The following FBXO4 variants were observed in gnomAD, a reference collection of about 807,000 sequenced individuals.
FBXO4 encodes F-box only protein 4.
In FBXO4, 36 loss-of-function variants were observed where a neutral mutation model predicts 43.7. The observed-to-expected ratio is 0.82, with a 90% CI of 0.63 to 1.09. FBXO4 has a LOEUF of 1.09. Among genes scored for constraint, FBXO4 ranks in the 50% least tolerant of loss-of-function variants. The pLI, the probability that FBXO4 is intolerant of heterozygous loss-of-function variation, is 0.00. For synonymous variants in FBXO4, 180 were observed against 165.6 expected (o/e 1.09, Z -0.67); for missense variants, 435 against 474.1 (o/e 0.92, Z 0.77).
At chr5:42,012,396 G>T in the FBXO4 span, among the ~76,000 whole-genome samples, 2 of 152,130 alleles carry the variant, frequency 1.3e-5, no homozygotes, top group Non-Finnish European at 2.9e-5. Flanking sequence ...AACATTGGGT[G>T]ATTGGGTGCC....
intron 1 of FBXO4, 27 bp downstream of exon 1, chr5:41,925,525 G>T (rs1751456708): frequency 7.7e-7 from 1 of 1,301,572 alleles, no homozygotes. Context: ...GGCCGCGGAG[G>T]ACAGTGGGGC....
At chr5:41,953,619 T>C in the FBXO4 span, among the ~76,000 whole-genome samples, 4 of 150,982 alleles carry the variant, frequency 2.6e-5, no homozygotes, top group African/African-American at 4.9e-5. Context: ...ACCAACAGTG[T>C]AAAAGTGTTC....
chr5:41,983,582 T>C, the FBXO4 span, among the ~76,000 whole-genome samples: 2 of 152,144 alleles, frequency 1.3e-5, no homozygotes, highest in Non-Finnish European at 2.9e-5. Flanking sequence ...ATTATTTAAC[T>C]GAATTTTTTC....
the FBXO4 span, among the ~76,000 whole-genome samples, chr5:41,954,487 G>T: frequency 2.6e-4 from 39 of 152,232 alleles, no homozygotes; most frequent in African/African-American, 8.7e-4. Flanking sequence ...CCTCAAAGCA[G>T]CACCCCTGAC....
intron 6 of FBXO4, 33 bp from the exon 7 acceptor site, chr5:41,941,159 T>G (rs769354077): frequency 1.3e-6 from 2 of 1,576,232 alleles, no homozygotes; most frequent in Admixed American, 1.7e-5. Flanking sequence ...ACTTAGTTTC[T>G]TACTAACAAC....
chr5:41,930,314 G>T (rs1284948739), intron 3 of FBXO4, among the ~76,000 whole-genome samples: 1 of 148,860 alleles, frequency 6.7e-6, no homozygotes, highest in Non-Finnish European at 1.5e-5. Context: ...TAAAAAAAAT[G>T]CATAAATATT....
chr5:42,016,729 T>C, the FBXO4 span, among the ~76,000 whole-genome samples: 2 of 152,176 alleles, frequency 1.3e-5, no homozygotes, highest in Non-Finnish European at 2.9e-5. Flanking sequence ...GATCTGGTTG[T>C]AAAATTGGAT....
At chr5:41,940,164 T>A (rs182276820) in intron 6 of FBXO4, among the ~76,000 whole-genome samples, 1 of 152,034 alleles carries the variant, frequency 6.6e-6, no homozygotes, top group Non-Finnish European at 1.5e-5. Flanking sequence ...TTGTTTTTTT[T>A]TAGATGCCAC....
chr5:42,000,496 A>T, the FBXO4 span, among the ~76,000 whole-genome samples: 2 of 152,074 alleles, frequency 1.3e-5, no homozygotes, highest in African/African-American at 4.8e-5. Flanking sequence ...TCCCTTGTTG[A>T]ATATATGGTT....
the FBXO4 span, among the ~76,000 whole-genome samples, chr5:42,024,788 G>A: frequency 1.3e-5 from 2 of 151,940 alleles, no homozygotes; most frequent in South Asian, 4.1e-4. Flanking sequence ...TCCCACAAAT[G>A]AGTGAGAACA....
At chr5:41,999,533 A>G in the FBXO4 span, among the ~76,000 whole-genome samples, 47 of 102,142 alleles carry the variant, frequency 4.6e-4, no homozygotes, top group Non-Finnish European at 5.3e-4. Flanking sequence ...ACATATATAT[A>G]TACATATATA....
chr5:41,969,403 C>A, the FBXO4 span, among the ~76,000 whole-genome samples: 3 of 152,082 alleles, frequency 2.0e-5, no homozygotes, highest in African/African-American at 2.4e-5. Flanking sequence ...CAGTTCTATC[C>A]CTCCACCCTG....
the FBXO4 span, among the ~76,000 whole-genome samples, chr5:41,988,830 C>T: frequency 6.6e-6 from 1 of 151,974 alleles, no homozygotes; most frequent in Non-Finnish European, 1.5e-5. Context: ...CACTGCTTCA[C>T]CAAAACTCAG....
the FBXO4 span, among the ~76,000 whole-genome samples, chr5:42,034,609 A>G: frequency 1.3e-5 from 2 of 152,150 alleles, no homozygotes; most frequent in African/African-American, 4.8e-5. Flanking sequence ...AGCACCATTT[A>G]TTAAATAGGG....
At chr5:41,930,192 A>G (rs1461790579) in intron 3 of FBXO4, 1 of 314,148 alleles carries the variant, frequency 3.2e-6, no homozygotes, top group Non-Finnish European at 5.8e-6. Context: ...ACAGTGGGAT[A>G]TCATATTTAT....
chr5:42,032,686 G>C, the FBXO4 span, among the ~76,000 whole-genome samples: 3 of 152,114 alleles, frequency 2.0e-5, no homozygotes, highest in Non-Finnish European at 2.9e-5. Flanking sequence ...TCAATTCCTG[G>C]AATCAAGAAT....
chr5:41,951,228 T>C, the FBXO4 span: 20,910 of 158,016 alleles, frequency 0.13, 2,370 homozygotes, highest in African/African-American at 0.31. Flanking sequence ...AATAAAAATG[T>C]TGTAAAAAAG....
chr5:41,951,845 G>T, the FBXO4 span: 1 of 223,778 alleles, frequency 4.5e-6, no homozygotes, highest in Admixed American at 5.3e-5. Flanking sequence ...TGTAACTCCT[G>T]TAAGGCTGCC....
the FBXO4 span, among the ~76,000 whole-genome samples, chr5:42,032,809 C>T: frequency 6.6e-6 from 1 of 152,148 alleles, no homozygotes; most frequent in Non-Finnish European, 1.5e-5. Context: ...AGGAGTTTTA[C>T]ACCATAGCCA....
Sources: gnomAD v4.1 joint callset for allele counts (sites outside exome capture counted in the v4.1 genomes callset) on GRCh38, gnomAD v4.1.1 for gene constraint, MANE v1.5 for transcripts, NCBI Gene and HGNC (gene_info 2026-07-23, HGNC 2026-07-21) for gene names.